The following ABCB8 variants were observed in gnomAD, a reference collection of about 807,000 sequenced individuals.
ABCB8 encodes mitochondrial potassium channel ATP-binding subunit.
ABCB8 carries 52 observed loss-of-function variants against 73.0 expected under a neutral mutation model. That is an observed-to-expected ratio of 0.71 (90% confidence interval 0.57 to 0.90). The LOEUF (loss-of-function observed/expected upper bound fraction) is 0.90, where lower values mean the gene tolerates loss of function less well. ABCB8 is among the 40% of genes least tolerant of loss of function. The pLI is 0.00. For missense variants in ABCB8, 909 were observed against 974.6 expected (o/e 0.93, Z 0.90); for synonymous variants, 428 against 423.5 (o/e 1.01, Z -0.13).
chr7:151,031,431 AT>A (rs148755553), intron 1 of ABCB8: 72,503 of 1,170,420 alleles, frequency 0.062, 2,809 homozygotes, highest in African/African-American at 0.16. Context: ...GAAGGATGAG[AT>A]GAAGACTGCA....
intron 1 of ABCB8, chr7:151,031,329 A>C (rs771295165): frequency 3.9e-5 from 59 of 1,529,574 alleles, no homozygotes; most frequent in Non-Finnish European, 1.8e-5. Flanking sequence ...ACAAGAACAC[A>C]GTGGAAAACA....
chr7:151,030,833 G>A (rs202180523), intron 1 of ABCB8, among the ~76,000 whole-genome samples: 5 of 152,212 alleles, frequency 3.3e-5, no homozygotes, highest in African/African-American at 1.2e-4. Flanking sequence ...CCAGCTACTC[G>A]AGAGGCTGAG....
Position 151,041,222 on chromosome 7 carries a change from T to C in ABCB8, c.1607T>C (p.Phe536Ser). 1 of 1,601,072 alleles carries C rather than the reference T, an allele frequency of 6.2e-7. No homozygotes were observed. ...TGGCTCCGGGGCCAGGTTGTCGGCTTCATCAGCCAGGTGCGGGGCCACATG... is the reference window on the plus strand; with the variant it reads ...TGGCTCCGGGGCCAGGTTGTCGGCTCCATCAGCCAGGTGCGGGGCCACATG... ...PSWLRGQVVG[F>S]ISQEPVLFGT... is the part of the protein sequence containing the mutation. Residue 536 changes from phenylalanine (F) to serine (S), a missense_variant, in exon 13 of 16, where the codon TTC (phenylalanine) becomes TCC (serine). Physicochemically the swap from Phe to Ser is radical, Grantham distance 155. Coordinates refer to ENST00000358849, the MANE Select transcript of ABCB8 (RefSeq NM_007188.5).
In ABCB8 at chr7:151,045,615, G is replaced by A. The variant is rs188396492; in HGVS notation, c.*266G>A. The A allele has an allele frequency of 1.4e-3, 562 of 395,654 alleles. 2 individuals are homozygous for A. Among genetic ancestry groups the A allele is most frequent in the African/African-American group, 0.01 (500 of 47,970 alleles). 24.5% of individuals were successfully genotyped at this position (395,654 alleles called of 1,614,324 possible). ...GCAATGGGCAGAGACAGAGTTCCAC[G>A]AGACACCTCCACTCTATTCTCCCTT... On this transcript the variant is annotated 3_prime_UTR_variant, in exon 16 of 16. Transcript: ENST00000358849.
intron 9 of ABCB8, chr7:151,038,557 G>A (rs1796372430): frequency 6.6e-6 from 1 of 151,230 alleles, no homozygotes; most frequent in Non-Finnish European, 1.5e-5. Flanking sequence ...TCACCCCTTA[G>A]CCCTCTGTGG....
chr7:151,036,871 G>T, intron 9 of ABCB8: 1 of 756,516 alleles, frequency 1.3e-6, no homozygotes, highest in Non-Finnish European at 2.4e-6. Flanking sequence ...GCAGGTGCTT[G>T]TCATCTTCAG....
chr7:151,036,306 G>A (rs1344250658), intron 8 of ABCB8, 136 bp downstream of exon 8: 2 of 984,750 alleles, frequency 2.0e-6, no homozygotes, highest in African/African-American at 3.3e-5. Context: ...ACTCTTGCAG[G>A]TAAAGGGAGG....
rs1796032179 is a variant in ABCB8 at position 151,028,521 on chromosome 7, G to A, written c.6G>A (p.Leu2=). 6.2e-7 allele frequency: 1 copy of A among 1,613,442 alleles called. No individual in the cohort carries two copies. Residue 2 remains leucine, a synonymous_variant, in exon 1 of 16, where the codon CTG becomes CTA. Transcript: ENST00000358849. The stretch of plus-strand genomic sequence containing the variant: ...TCCTGTTTTACCGCGTCAGCATGCT[G>A]GTGCATTTATTTCGGGTCGGGATTC... M[L]VHLFRVGIRG... is the part of the protein sequence containing the mutation.
At chr7:151,036,277 C>A in intron 8 of ABCB8, 107 bp downstream of exon 8, 2 of 1,155,818 alleles carry the variant, frequency 1.7e-6, no homozygotes, top group South Asian at 1.5e-5. Context: ...TGCCTGCATT[C>A]GCCTCGGGCC....
rs1584945197 is a variant in ABCB8 at position 151,031,148 on chromosome 7, G to T, written c.96-2457G>T. 8 of 807,942 alleles carry T rather than the reference G, an allele frequency of 9.9e-6. No individual in the cohort carries two copies. The East Asian group carries it at 1.9e-4, about 19-fold the overall frequency. The allele number at this position is 807,942 out of a possible 1,614,324, so 50.0% of individuals were successfully genotyped here. On this transcript the variant is annotated intron_variant, in intron 1 of 15. Coordinates refer to ENST00000358849, the MANE Select transcript of ABCB8 (RefSeq NM_007188.5). ...TGTCCTGCACCTCTAATGAGGGCATGCATGTGCTCAACAAGCATAAACATT... is the reference window on the plus strand; with the variant it reads ...TGTCCTGCACCTCTAATGAGGGCATTCATGTGCTCAACAAGCATAAACATT...
intron 14 of ABCB8, among the ~76,000 whole-genome samples, chr7:151,042,997 C>T (rs1414714472): frequency 6.6e-6 from 1 of 152,250 alleles, no homozygotes; most frequent in African/African-American, 2.4e-5. Context: ...GGGCTGCGTC[C>T]TTACTGACCT....
rs113354935 is a variant in ABCB8, at chr7:151,044,398, C to T, written c.2016+177C>T. On this transcript the variant is annotated intron_variant, in intron 15 of 15. Transcript: ENST00000358849. The stretch of plus-strand genomic sequence containing the variant: ...GTTCCTGCATTCAGCCAAGCCCTGG[C>T]CTCTCAGGCCCTCAGTTTCTTCTTC... 5.7e-3 allele frequency among the ~76,000 whole-genome samples: 872 copies of T among 152,268 alleles called. 11 individuals carry two copies. Among genetic ancestry groups the T allele is most frequent in the African/African-American group, 0.02 (829 of 41,522 alleles).
rs963137703 is a variant in ABCB8 at position 151,046,201 on chromosome 7, G to A, written c.*852G>A. 6.6e-6 allele frequency: 1 copy of A among 152,328 alleles called. No individual in the cohort carries two copies. Among genetic ancestry groups the A allele is most frequent in the Non-Finnish European group, 1.5e-5 (1 of 68,110 alleles). The allele number at this position is 152,328 out of a possible 1,614,324, so 9.4% of individuals were successfully genotyped here. A position where few individuals can be genotyped will look rare whatever the true frequency, so the allele number is the denominator to read the frequency against. On this transcript the variant is annotated 3_prime_UTR_variant, in exon 16 of 16. Coordinates refer to ENST00000358849, the MANE Select transcript of ABCB8 (RefSeq NM_007188.5). ...ACCCAGCACTGAAGGAGATGGGAGG[G>A]GCTGATGCCCACCTGGAGCTCTCTG...
rs985749572 is a variant in ABCB8 at position 151,028,457 on chromosome 7, C to T, written c.-59C>T. 3.9e-6 allele frequency: 6 copies of T among 1,556,332 alleles called. No individual in the cohort carries two copies. Among genetic ancestry groups the T allele is most frequent in the African/African-American group, 1.4e-5 (1 of 73,610 alleles). Reference sequence around the variant, plus strand: ...ATGGGGGCGGGAGCCAACATAGAGCCCTCAGTGGGATGAGGGTGAAACTGC... The same window carrying T: ...ATGGGGGCGGGAGCCAACATAGAGCTCTCAGTGGGATGAGGGTGAAACTGC... On this transcript the variant is annotated 5_prime_UTR_variant, in exon 1 of 16. Coordinates refer to ENST00000358849, the MANE Select transcript of ABCB8 (RefSeq NM_007188.5).
At chr7:151,036,675 ACAGAGCCCCCTGCCGCCCTC>A in intron 9 of ABCB8, 26 bp downstream of exon 9, 5 of 1,558,830 alleles carry the variant, frequency 3.2e-6, no homozygotes, top group Middle Eastern at 1.7e-4. Context: ...TCCCATTGCT[ACAGAGCCCCCTGCCGCCCTC>A]CAGAGCCCTG....
intron 14 of ABCB8, among the ~76,000 whole-genome samples, chr7:151,043,342 G>C (rs144269428): frequency 6.6e-6 from 1 of 152,156 alleles, no homozygotes; most frequent in Non-Finnish European, 1.5e-5. Flanking sequence ...GGGACCCAGA[G>C]GTGGGATGAG....
At chr7:151,044,764 C>T (rs1265620182) in intron 15 of ABCB8, among the ~76,000 whole-genome samples, 1 of 152,144 alleles carries the variant, frequency 6.6e-6, no homozygotes, top group Non-Finnish European at 1.5e-5. Context: ...AGGAAACATA[C>T]TCAGAGTATG....
rs375597959 is a variant in ABCB8, at chr7:151,040,475, G to A, written c.1252-23G>A. ...GTCACCCCTACTCCTGCCTCCCTGC[G>A]GACTTTGGATCCCCTCCCACAGGTG... is the stretch of plus-strand genomic sequence containing the variant. On this transcript the variant is annotated intron_variant, in intron 10 of 15. Transcript: ENST00000358849. 16 of 1,600,490 alleles carry A rather than the reference G, an allele frequency of 1.0e-5. No homozygotes were observed. The Admixed American group carries it at 1.2e-4, about 12-fold the overall frequency.
intron 15 of ABCB8, 108 bp from the exon 16 acceptor site, chr7:151,045,101 G>A: frequency 3.7e-6 from 5 of 1,362,550 alleles, no homozygotes; most frequent in South Asian, 1.7e-5. Context: ...AGGGACACCG[G>A]CCTAAGTGAC....
Sources: allele counts gnomAD v4.1 joint callset (sites outside exome capture counted in the v4.1 genomes callset), GRCh38; gene constraint gnomAD v4.1.1; transcripts MANE v1.5; gene names NCBI Gene and HGNC (gene_info 2026-07-23, HGNC 2026-07-21).